Variants in ARMC3 observed in about 807,000 individuals in gnomAD.
The protein encoded by ARMC3 is armadillo repeat containing 3.
Under a neutral mutation model 90.3 loss-of-function variants are expected in ARMC3, and 74 were observed. The ratio of observed to expected loss-of-function variants is 0.82; its 90% CI spans 0.68 to 0.99. The LOEUF is 0.99. Among genes scored for constraint, ARMC3 ranks in the 50% least tolerant of loss-of-function variants. ARMC3 has a pLI of 0.00. For missense variants in ARMC3, 958 were observed against 1,042.8 expected, an observed-to-expected ratio of 0.92 and a Z score of 1.12; for synonymous variants, 334 against 361.8, an observed-to-expected ratio of 0.92 and a Z score of 0.87.
chr10:23,019,901 G>A (rs377344886), intron 16 of ARMC3, among the ~76,000 whole-genome samples: 55 of 152,260 alleles, frequency 3.6e-4, no homozygotes, highest in African/African-American at 1.3e-3. Context: ...AGTGTGTAAC[G>A]TTTGAGACTG....
chr10:22,971,924 A>G (rs778637999), intron 8 of ARMC3, among the ~76,000 whole-genome samples: 3 of 152,036 alleles, frequency 2.0e-5, no homozygotes, highest in African/African-American at 7.2e-5. Context: ...TGTACTTTTT[A>G]TTTGCATGCC....
intron 10 of ARMC3, among the ~76,000 whole-genome samples, chr10:22,984,226 T>A (rs1179619666): frequency 6.6e-6 from 1 of 152,200 alleles, no homozygotes; most frequent in African/African-American, 2.4e-5. Context: ...CTAAAGTGAA[T>A]TTTTAAACTC....
chr10:22,985,820 G>A (rs928822840), intron 10 of ARMC3, among the ~76,000 whole-genome samples: 5 of 152,154 alleles, frequency 3.3e-5, no homozygotes, highest in Admixed American at 2.6e-4. Context: ...GCTTCCGGGA[G>A]TATTTTGCCT....
chr10:22,999,057 C>T (rs528630665), intron 11 of ARMC3, among the ~76,000 whole-genome samples: 11 of 152,294 alleles, frequency 7.2e-5, no homozygotes, highest in South Asian at 4.1e-4. Context: ...TTGAAATGGT[C>T]ATCTCTTAAG....
At position 23,007,567 on chromosome 10, in the gene ARMC3, C is replaced by A. The variant is rs1837682570; in HGVS notation, c.1829+586C>A. 2.0e-5 allele frequency among the ~76,000 whole-genome samples: 3 copies of A among 152,036 alleles called. No homozygotes were observed. In the South Asian group the frequency reaches 6.2e-4, roughly 32 times the overall value. On this transcript the variant is annotated intron_variant, in intron 14 of 18. Coordinates refer to ENST00000298032, the MANE Select transcript of ARMC3 (RefSeq NM_173081.5). Reference sequence around the variant, plus strand: ...CAAAAATTAGTTGGGTGTGGTGGCGCACGCCTGTAATCCCAGCTACTCAGG... The same window carrying A: ...CAAAAATTAGTTGGGTGTGGTGGCGAACGCCTGTAATCCCAGCTACTCAGG...
chr10:22,990,646 G>A (rs74759073), intron 10 of ARMC3, among the ~76,000 whole-genome samples: 4,038 of 152,268 alleles, frequency 0.027, 86 homozygotes, highest in Middle Eastern at 0.065. Flanking sequence ...AAGGCCCGGT[G>A]CTTACTCACA....
intron 1 of ARMC3, 124 bp from the exon 2 acceptor site, chr10:22,931,872 G>T: frequency 1.4e-6 from 1 of 719,014 alleles, no homozygotes. Flanking sequence ...ATTTTTACAT[G>T]TATTGCATTG....
chr10:23,017,173 C>G (rs1334032813), intron 16 of ARMC3, among the ~76,000 whole-genome samples: 1 of 152,048 alleles, frequency 6.6e-6, no homozygotes, highest in Admixed American at 6.6e-5. Flanking sequence ...ATGGTGGGTG[C>G]ATTCAATGAT....
At chr10:22,974,128 C>T (rs1461219521) in intron 8 of ARMC3, among the ~76,000 whole-genome samples, 1 of 152,046 alleles carries the variant, frequency 6.6e-6, no homozygotes, top group East Asian at 1.9e-4. Flanking sequence ...TTTTAAATCT[C>T]ACTTTTATTG....
intron 8 of ARMC3, among the ~76,000 whole-genome samples, chr10:22,978,259 C>A (rs1836021402): frequency 6.6e-6 from 1 of 152,204 alleles, no homozygotes; most frequent in African/African-American, 2.4e-5. Flanking sequence ...GTTTAATTGA[C>A]TCACAGTTCT....
intron 17 of ARMC3, among the ~76,000 whole-genome samples, chr10:23,032,130 T>C (rs1385111162): frequency 2.0e-5 from 3 of 152,124 alleles, no homozygotes; most frequent in African/African-American, 7.2e-5. Context: ...AATTCTGCCT[T>C]TACTCCAAGA....
At position 22,968,460 on chromosome 10, in the gene ARMC3, C is replaced by G. The variant is rs1461683216; in HGVS notation, c.887C>G (p.Ala296Gly). 1.2e-6 allele frequency: 2 copies of G among 1,600,392 alleles called. No individual in the cohort carries two copies. Among genetic ancestry groups the G allele is most frequent in the Non-Finnish European group, 1.7e-6 (2 of 1,176,066 alleles). Reference protein sequence around the residue: ...STIPDIQKNAAKAITKAAYDP... With the variant: ...STIPDIQKNAGKAITKAAYDP... ...ATTCCTGATATTCAGAAGAATGCAG[C>G]AAAAGCCATTACTAAAGCAGCTTAT... The change falls in exon 8 of 19, where the codon GCA becomes GGA. Residue 296 changes from alanine (A) to glycine (G), a missense_variant. Physicochemically the swap from Ala to Gly is moderately conservative, Grantham distance 60 (BLOSUM62 0). Transcript: ENST00000298032.
intron 8 of ARMC3, among the ~76,000 whole-genome samples, chr10:22,973,822 G>C (rs939389888): frequency 7.0e-6 from 1 of 141,870 alleles, no homozygotes; most frequent in Non-Finnish European, 1.5e-5. Context: ...GCAGTGGCGC[G>C]ATCTTGGCTC....
intron 10 of ARMC3, among the ~76,000 whole-genome samples, chr10:22,983,264 C>T (rs1564371152): frequency 6.6e-6 from 1 of 152,156 alleles, no homozygotes; most frequent in Non-Finnish European, 1.5e-5. Context: ...GCCTGGCCTA[C>T]ATTTTTTGCT....
At chr10:22,974,521 A>G (rs560794605) in intron 8 of ARMC3, among the ~76,000 whole-genome samples, 1 of 152,282 alleles carries the variant, frequency 6.6e-6, no homozygotes, top group South Asian at 2.1e-4. Context: ...TTTAAAGATA[A>G]AGTTACTATA....
At chr10:23,023,620 A>G (rs1463628347) in intron 16 of ARMC3, among the ~76,000 whole-genome samples, 1 of 152,272 alleles carries the variant, frequency 6.6e-6, no homozygotes, top group African/African-American at 2.4e-5. Flanking sequence ...CTGAAAAAAT[A>G]GAAAATTTCA....
chr10:22,979,613 A>G (rs563399502), intron 8 of ARMC3, among the ~76,000 whole-genome samples: 98 of 152,306 alleles, frequency 6.4e-4, no homozygotes, highest in African/African-American at 2.1e-3. Flanking sequence ...TTTGGTTTAG[A>G]GCCATCAGGG....
intron 11 of ARMC3, among the ~76,000 whole-genome samples, chr10:23,001,333 A>C (rs543463348): frequency 6.6e-6 from 1 of 152,276 alleles, no homozygotes; most frequent in South Asian, 2.1e-4. Context: ...GGGGCTTCCC[A>C]CATTGCTTGG....
At position 23,003,417 on chromosome 10, in the gene ARMC3, A is replaced by G. The variant is rs1271453511; in HGVS notation, c.1731+3A>G. On this transcript the variant is annotated splice_donor_region_variant and intron_variant, in intron 13 of 18. Transcript: ENST00000298032. ...ATGGATTCTATGATTATGGTCGGGT[A>G]AGTGACAGCATTTATTTGTAGTTTA... The G allele has an allele frequency of 6.3e-7, 1 of 1,585,936 alleles. No homozygotes were observed. The highest frequency in any genetic ancestry group is 1.2e-5 in the South Asian group (1 of 83,984).
Sources: gnomAD v4.1 joint callset for allele counts (sites outside exome capture counted in the v4.1 genomes callset) on GRCh38, gnomAD v4.1.1 for gene constraint, MANE v1.5 for transcripts, NCBI Gene and HGNC (gene_info 2026-07-23, HGNC 2026-07-21) for gene names.